Variants in C1QL3 observed in about 807,000 individuals in gnomAD.
The protein encoded by C1QL3 is complement C1q like 3, also known as complement C1q-like protein 3.
In C1QL3, 4 loss-of-function variants were observed where a neutral mutation model predicts 16.6. That is an observed-to-expected ratio of 0.24 (90% CI 0.12 to 0.55). C1QL3 has a LOEUF of 0.55. C1QL3 is among the 20% of genes least tolerant of loss of function. The probability of loss-of-function intolerance (pLI) is 0.94; values close to 1 mark genes in which losing one functional copy is unlikely to be tolerated. For synonymous variants in C1QL3, 189 were observed against 160.2 expected, an observed-to-expected ratio of 1.18 and a Z score of -1.36; for missense variants, 269 against 365.6, an observed-to-expected ratio of 0.74 and a Z score of 2.16.
intron 1 of C1QL3, among the ~76,000 whole-genome samples, chr10:16,517,283 A>T (rs1836966148): frequency 1.3e-5 from 2 of 152,212 alleles, no homozygotes; most frequent in Admixed American, 6.5e-5. Flanking sequence ...CCCTAAAAAG[A>T]TTATGAATTT....
Position 16,520,467 on chromosome 10 carries a change from C to T in C1QL3, c.588+11G>A, listed in dbSNP as rs201794523. ...CCCTCCCCGCCCTCCCCGCCGCCCG[C>T]CCGCGCTCACCTGGTTGTTTTTGCA... On this transcript the variant is annotated intron_variant, in intron 1 of 1. Transcript: ENST00000298943. The surrounding 1 kb of genome is among the most constrained non-coding windows in gnomAD (Gnocchi z 8.3). 2.8e-4 allele frequency: 424 copies of T among 1,536,254 alleles called. No individual in the cohort carries two copies. The highest frequency in any genetic ancestry group is 3.5e-4 in the Non-Finnish European group (401 of 1,134,390).
At chr10:16,519,850 A>G (rs574471186) in intron 1 of C1QL3, among the ~76,000 whole-genome samples, 2 of 152,026 alleles carry the variant, frequency 1.3e-5, no homozygotes, top group African/African-American at 2.4e-5. Flanking sequence ...CCCCTCCGCT[A>G]TTTTTTGGCT....
chr10:16,517,124 T>C (rs1243327487), intron 1 of C1QL3, among the ~76,000 whole-genome samples: 1 of 152,216 alleles, frequency 6.6e-6, no homozygotes, highest in South Asian at 2.1e-4. Context: ...TTCCTAAATG[T>C]ACAGTGATTT....
In C1QL3 at chr10:16,514,034, A is replaced by G. The variant is rs1468650088; in HGVS notation, c.*494T>C. On this transcript the variant is annotated 3_prime_UTR_variant, in exon 2 of 2. Coordinates refer to ENST00000298943, the MANE Select transcript of C1QL3 (RefSeq NM_001010908.2). ...GGTTAACAAGAGTACAAGGCAAACA[A>G]TTTCTTTGGGGACAAGCAGCATTAT... is the stretch of plus-strand genomic sequence containing the variant. The G allele has an allele frequency of 1.6e-5, 5 of 321,428 alleles. No homozygotes were observed. The highest frequency in any genetic ancestry group is 2.8e-5 in the Non-Finnish European group (5 of 177,894). 19.9% of individuals were successfully genotyped at this position (321,428 alleles called of 1,614,324 possible). A position where few individuals can be genotyped will look rare whatever the true frequency, so the allele number is the denominator to read the frequency against.
Position 16,514,623 on chromosome 10 carries a change from C to T in C1QL3, c.673G>A (p.Asp225Asn). The change falls in exon 2 of 2, where the codon GAT becomes AAT. Residue 225 changes from aspartate to asparagine, a missense_variant. Transcript: ENST00000298943. ...CCATCTAATTTGATATAGACTTCATCTCCCGGCTCCAAATGAAGAACCACA... is the reference window on the plus strand; with the variant it reads ...CCATCTAATTTGATATAGACTTCATTTCCCGGCTCCAAATGAAGAACCACA... ...NSVVLHLEPG[D>N]EVYIKLDGGK... 1 of 1,613,862 alleles carries T rather than the reference C, an allele frequency of 6.2e-7. No homozygotes were observed. Among genetic ancestry groups the T allele is most frequent in the Non-Finnish European group, 8.5e-7 (1 of 1,179,738 alleles).
chr10:16,520,384 G>C lies in C1QL3; in HGVS notation c.588+94C>G. The C allele has an allele frequency of 2.0e-6, 2 of 989,090 alleles. No homozygotes were observed. The highest frequency in any genetic ancestry group is 1.7e-5 in the African/African-American group (1 of 58,720). The allele number at this position is 989,090 out of a possible 1,614,324, so 61.3% of individuals were successfully genotyped here. On this transcript the variant is annotated intron_variant, in intron 1 of 1. Coordinates refer to ENST00000298943, the MANE Select transcript of C1QL3 (RefSeq NM_001010908.2). The surrounding 1 kb of genome is among the most constrained non-coding windows in gnomAD (Gnocchi z 8.3). ...AGCCCGGCCGCCGCGCCCTTCCTCC[G>C]CGGGCTCCCACCCCCATTTCCGGGG...
Position 16,520,134 on chromosome 10 carries a change from C to T in C1QL3, c.588+344G>A, listed in dbSNP as rs1253996346. Among the ~76,000 whole-genome samples the T allele has an allele frequency of 1.3e-5, 2 of 152,186 alleles. No homozygotes were observed. Among genetic ancestry groups the T allele is most frequent in the African/African-American group, 4.8e-5 (2 of 41,468 alleles). On this transcript the variant is annotated intron_variant, in intron 1 of 1. Transcript: ENST00000298943. This position sits in a 1 kb window ranked among gnomAD's most constrained non-coding sequence, Gnocchi z 8.3. ...CTACCCTCTGTTGCGGAGGATCCCA[C>T]GGCCAGGGGTCGCTTCCCGCGCCGG...
Position 16,520,370 on chromosome 10 carries a change from C to T in C1QL3, c.588+108G>A, listed in dbSNP as rs1837021132. The T allele has an allele frequency of 3.4e-6, 3 of 881,158 alleles. No homozygotes were observed. The highest frequency in any genetic ancestry group is 7.1e-4 in the Middle Eastern group (2 of 2,810). The allele number at this position is 881,158 out of a possible 1,614,324, so 54.6% of individuals were successfully genotyped here. The stretch of plus-strand genomic sequence containing the variant: ...CCGTCGCTCCAGGGAGCCCGGCCGC[C>T]GCGCCCTTCCTCCGCGGGCTCCCAC... On this transcript the variant is annotated intron_variant, in intron 1 of 1. Coordinates refer to ENST00000298943, the MANE Select transcript of C1QL3 (RefSeq NM_001010908.2). This position sits in a 1 kb window ranked among gnomAD's most constrained non-coding sequence, Gnocchi z 8.3.
At position 16,514,616 on chromosome 10, in the gene C1QL3, A is replaced by G; in HGVS notation, c.680T>C (p.Val227Ala). 1 of 1,613,828 alleles carries G rather than the reference A, an allele frequency of 6.2e-7. No homozygotes were observed. Among genetic ancestry groups the G allele is most frequent in the Non-Finnish European group, 8.5e-7 (1 of 1,179,722 alleles). Residue 227 changes from valine to alanine, a missense_variant, in exon 2 of 2, where the codon GTC (valine) becomes GCC (alanine). Coordinates refer to ENST00000298943, the MANE Select transcript of C1QL3 (RefSeq NM_001010908.2). ...TTTCCCGCCATCTAATTTGATATAG[A>G]CTTCATCTCCCGGCTCCAAATGAAG... ...VVLHLEPGDE[V>A]YIKLDGGKAH... is the part of the protein sequence containing the mutation.
chr10:16,518,875 T>A (rs377487363), intron 1 of C1QL3, among the ~76,000 whole-genome samples: 1 of 152,128 alleles, frequency 6.6e-6, no homozygotes, highest in South Asian at 2.1e-4. Context: ...TTTGTGAGGG[T>A]GATTCAATAG....
rs560025719 is a variant in C1QL3 at position 16,520,394 on chromosome 10, A to C, written c.588+84T>G. On this transcript the variant is annotated intron_variant, in intron 1 of 1. Coordinates refer to ENST00000298943, the MANE Select transcript of C1QL3 (RefSeq NM_001010908.2). This position sits in a 1 kb window ranked among gnomAD's most constrained non-coding sequence, Gnocchi z 8.3. Reference sequence around the variant, plus strand: ...CCGCGCCCTTCCTCCGCGGGCTCCCACCCCCATTTCCGGGGTCTCCTCCCT... The same window carrying C: ...CCGCGCCCTTCCTCCGCGGGCTCCCCCCCCCATTTCCGGGGTCTCCTCCCT... 16 of 1,077,774 alleles carry C rather than the reference A, an allele frequency of 1.5e-5. No individual in the cohort carries two copies. The South Asian group carries it at 2.1e-4, about 14-fold the overall frequency. 66.8% of individuals were successfully genotyped at this position (1,077,774 alleles called of 1,614,324 possible).
At chr10:16,516,681 C>A (rs1473121129) in intron 1 of C1QL3, among the ~76,000 whole-genome samples, 2 of 152,124 alleles carry the variant, frequency 1.3e-5, no homozygotes, top group Non-Finnish European at 2.9e-5. Context: ...ACACAATAAT[C>A]CTTTTAAAAA....
intron 1 of C1QL3, among the ~76,000 whole-genome samples, chr10:16,514,912 A>G (rs762392588): frequency 2.0e-5 from 3 of 152,160 alleles, no homozygotes; most frequent in Non-Finnish European, 4.4e-5. Context: ...AAGGGACAAA[A>G]TAGTGCTTCA....
At position 16,520,821 on chromosome 10, in the gene C1QL3, C is replaced by A; in HGVS notation, c.245G>T (p.Gly82Val). 1 of 1,361,976 alleles carries A rather than the reference C, an allele frequency of 7.3e-7. No homozygotes were observed. Among genetic ancestry groups the A allele is most frequent in the East Asian group, 3.1e-5 (1 of 32,168 alleles). The allele number at this position is 1,361,976 out of a possible 1,614,324, so 84.4% of individuals were successfully genotyped here. A position where few individuals can be genotyped will look rare whatever the true frequency, so the allele number is the denominator to read the frequency against. The change falls in exon 1 of 2, where the codon GGG (glycine) becomes GTG (valine). Residue 82 changes from glycine (G) to valine (V), a missense_variant. Gly to Val is a moderately radical substitution (Grantham distance 109, BLOSUM62 -3). Coordinates refer to ENST00000298943, the MANE Select transcript of C1QL3 (RefSeq NM_001010908.2). This position sits in a 1 kb window ranked among gnomAD's most constrained non-coding sequence, Gnocchi z 8.3. Reference protein sequence around the residue: ...AGPRGPPGEPGPPGPMGPPGE... With the variant: ...AGPRGPPGEPVPPGPMGPPGE... ...CGGGGGCCCCATGGGGCCGGGTGGC[C>A]CGGGCTCTCCGGGGGGCCCGCGCGG...
rs894318960 is a variant in C1QL3, at chr10:16,520,202, C to T, written c.588+276G>A. ...GCTGTCCCCGGGACCCAGCTCCCGGCTTCCCGCCCCTCGAGGGTCGCGCTC... is the reference window on the plus strand; with the variant it reads ...GCTGTCCCCGGGACCCAGCTCCCGGTTTCCCGCCCCTCGAGGGTCGCGCTC... On this transcript the variant is annotated intron_variant, in intron 1 of 1. Coordinates refer to ENST00000298943, the MANE Select transcript of C1QL3 (RefSeq NM_001010908.2). This position sits in a 1 kb window ranked among gnomAD's most constrained non-coding sequence, Gnocchi z 8.3. Among the ~76,000 whole-genome samples the T allele has an allele frequency of 7.2e-5, 11 of 152,176 alleles. No homozygotes were observed. The highest frequency in any genetic ancestry group is 2.0e-4 in the Admixed American group (3 of 15,292).
chr10:16,521,078 C>A lies in C1QL3; in HGVS notation c.-13G>T. On this transcript the variant is annotated 5_prime_UTR_variant, in exon 1 of 2. Transcript: ENST00000298943. ...GCAGCAGCACCATCACCACCCCCAGCGCCCCGGCGGCGATCAGGCGCCTCC... is the reference window on the plus strand; with the variant it reads ...GCAGCAGCACCATCACCACCCCCAGAGCCCCGGCGGCGATCAGGCGCCTCC... 1 of 1,590,328 alleles carries A rather than the reference C, an allele frequency of 6.3e-7. No homozygotes were observed. Among genetic ancestry groups the A allele is most frequent in the Non-Finnish European group, 8.5e-7 (1 of 1,174,504 alleles).
At chr10:16,517,867 G>T (rs1836978328) in intron 1 of C1QL3, among the ~76,000 whole-genome samples, 1 of 152,314 alleles carries the variant, frequency 6.6e-6, no homozygotes, top group South Asian at 2.1e-4. Context: ...AAAAGGTTAA[G>T]TGGCACATCA....
chr10:16,520,451 C>CCCA lies in C1QL3; in HGVS notation c.588+26_588+27insTGG. 5.5e-6 allele frequency: 7 copies of CCCA among 1,268,030 alleles called. No homozygotes were observed. Among genetic ancestry groups the CCCA allele is most frequent in the Admixed American group, 2.1e-5 (1 of 48,418 alleles). 78.5% of individuals were successfully genotyped at this position (1,268,030 alleles called of 1,614,324 possible). On this transcript the variant is annotated intron_variant, in intron 1 of 1. Coordinates refer to ENST00000298943, the MANE Select transcript of C1QL3 (RefSeq NM_001010908.2). This position sits in a 1 kb window ranked among gnomAD's most constrained non-coding sequence, Gnocchi z 8.3. ...CGCACCTTCCCGCGCTCCCTCCCCGCCCTCCCCGCCGCCCGCCCGCGCTCA... is the reference window on the plus strand; with the variant it reads ...CGCACCTTCCCGCGCTCCCTCCCCGCCCACCTCCCCGCCGCCCGCCCGCGCTCA...
At chr10:16,514,799 G>T in intron 1 of C1QL3, 92 bp from the exon 2 acceptor site, 1 of 911,176 alleles carries the variant, frequency 1.1e-6, no homozygotes, top group Non-Finnish European at 1.7e-6. Flanking sequence ...CTGACTTGCT[G>T]CCATAGTACA....
Sources: allele counts gnomAD v4.1 joint callset (sites outside exome capture counted in the v4.1 genomes callset), GRCh38; gene constraint gnomAD v4.1.1; non-coding constraint Gnocchi (gnomAD v3.1); transcripts MANE v1.5; gene names NCBI Gene and HGNC (gene_info 2026-07-23, HGNC 2026-07-21).